Variants in RALYL observed in about 807,000 individuals in gnomAD.
RALYL encodes the protein RNA-binding Raly-like protein.
In RALYL, 29 loss-of-function variants were observed where a neutral mutation model predicts 35.1. The ratio of observed to expected loss-of-function variants is 0.83; its 90% CI spans 0.61 to 1.13. The LOEUF is 1.13. Among genes scored for constraint, RALYL ranks in the 50% most tolerant of loss-of-function variants. The probability of loss-of-function intolerance (pLI) is 0.00; values close to 1 mark genes in which losing one functional copy is unlikely to be tolerated. For missense variants in RALYL, 359 were observed against 360.4 expected (o/e 1.00, Z 0.03); for synonymous variants, 120 against 127.6 (o/e 0.94, Z 0.40).
chr8:84,225,641 T>A (rs1470172858), intron 1 of RALYL, among the ~76,000 whole-genome samples: 8 of 152,238 alleles, frequency 5.3e-5, no homozygotes, highest in Admixed American at 5.2e-4. Flanking sequence ...GTCACCTTTT[T>A]GATGTCTGAG....
intron 1 of RALYL, among the ~76,000 whole-genome samples, chr8:84,493,252 C>A (rs147040084): frequency 0.03 from 4,567 of 152,094 alleles, 115 homozygotes; most frequent in Non-Finnish European, 0.038. Flanking sequence ...TGATCTCATT[C>A]TTTTTATGGC....
chr8:84,858,516 G>GA (rs1012726743), intron 5 of RALYL, among the ~76,000 whole-genome samples: 2 of 151,996 alleles, frequency 1.3e-5, no homozygotes, highest in African/African-American at 4.8e-5. Flanking sequence ...CAAGAGGAAG[G>GA]AAAAAAATTA....
At chr8:84,516,566 G>A (rs1225107844) in intron 1 of RALYL, among the ~76,000 whole-genome samples, 1 of 151,960 alleles carries the variant, frequency 6.6e-6, no homozygotes, top group Non-Finnish European at 1.5e-5. Context: ...CAACTCTATT[G>A]GACCAAAATT....
chr8:84,401,470 C>T (rs1451291496), intron 1 of RALYL, among the ~76,000 whole-genome samples: 3 of 151,574 alleles, frequency 2.0e-5, no homozygotes, highest in African/African-American at 7.3e-5. Context: ...AACCCCGTCT[C>T]TACTAAAAAT....
rs141639250 is a variant in RALYL, at chr8:84,457,152, A to G, written c.-23-72147A>G. ...TGCCAGTTGTCATTCTGAAGCATAA[A>G]TGGAATGCAGGGTTTGGAAGTTGTA... On this transcript the variant is annotated intron_variant, in intron 1 of 8. Transcript: ENST00000521268. 1.5e-3 allele frequency among the ~76,000 whole-genome samples: 228 copies of G among 152,082 alleles called. 2 individuals are homozygous for G. The highest frequency in any genetic ancestry group is 4.7e-3 in the African/African-American group (197 of 41,530).
chr8:84,871,301 T>C (rs1172883289), intron 6 of RALYL, among the ~76,000 whole-genome samples: 1 of 152,140 alleles, frequency 6.6e-6, no homozygotes, highest in Non-Finnish European at 1.5e-5. Flanking sequence ...AGTGGAGTAG[T>C]AGTGGTTTAT....
chr8:84,652,415 C>T (rs988121719), intron 2 of RALYL, among the ~76,000 whole-genome samples: 7 of 152,016 alleles, frequency 4.6e-5, no homozygotes, highest in African/African-American at 1.7e-4. Flanking sequence ...CTCTTTGATA[C>T]TCACTGAGTA....
intron 1 of RALYL, among the ~76,000 whole-genome samples, chr8:84,305,632 A>C (rs1265794785): frequency 6.6e-6 from 1 of 152,216 alleles, no homozygotes; most frequent in Admixed American, 6.5e-5. Context: ...GTAGTATATC[A>C]CTTTTCATAT....
Position 84,899,999 on chromosome 8 carries a change from C to T in RALYL, c.858+12223C>T, listed in dbSNP as rs1019673964. 1.7e-4 allele frequency among the ~76,000 whole-genome samples: 26 copies of T among 152,234 alleles called. 1 individual carries two copies. Among genetic ancestry groups the T allele is most frequent in the Admixed American group, 1.4e-3 (22 of 15,294 alleles). Reference sequence around the variant, plus strand: ...AGCTATCAGTGCAGCTATCAAACAACGTGATCATTAAAAAACAAGCTTTAG... The same window carrying T: ...AGCTATCAGTGCAGCTATCAAACAATGTGATCATTAAAAAACAAGCTTTAG... On this transcript the variant is annotated intron_variant, in intron 8 of 8. Transcript: ENST00000521268.
At chr8:84,796,022 CA>C (rs1288915617) in intron 3 of RALYL, among the ~76,000 whole-genome samples, 1 of 152,176 alleles carries the variant, frequency 6.6e-6, no homozygotes, top group Non-Finnish European at 1.5e-5. Flanking sequence ...TAAGTAGCCA[CA>C]GCTGGAGAAG....
rs1819054687 is a variant in RALYL at position 84,614,730 on chromosome 8, A to T, written c.256+85153A>T. Among the ~76,000 whole-genome samples the T allele has an allele frequency of 2.0e-5, 3 of 150,022 alleles. No individual in the cohort carries two copies. In the South Asian group the frequency reaches 6.3e-4, roughly 31 times the overall value. On this transcript the variant is annotated intron_variant, in intron 2 of 8. Coordinates refer to ENST00000521268, the MANE Select transcript of RALYL (RefSeq NM_173848.7). Reference sequence around the variant, plus strand: ...GGCTGTAAAGTCAGGATTTGCTGCTATGGAAAGAGCTAAGACTACAGTCAG... The same window carrying T: ...GGCTGTAAAGTCAGGATTTGCTGCTTTGGAAAGAGCTAAGACTACAGTCAG...
intron 2 of RALYL, among the ~76,000 whole-genome samples, chr8:84,621,964 A>G (rs974018712): frequency 1.6e-4 from 25 of 152,252 alleles, no homozygotes; most frequent in African/African-American, 6.0e-4. Context: ...GCTAATTACA[A>G]GGTGACATCT....
chr8:84,671,353 G>T (rs181820159), intron 2 of RALYL, among the ~76,000 whole-genome samples: 1 of 152,106 alleles, frequency 6.6e-6, no homozygotes, highest in Non-Finnish European at 1.5e-5. Flanking sequence ...ACCATTCTGG[G>T]GTCTGGAGGA....
At chr8:84,786,676 G>T (rs143643889) in intron 3 of RALYL, among the ~76,000 whole-genome samples, 2,829 of 152,102 alleles carry the variant, frequency 0.019, 43 homozygotes, top group Non-Finnish European at 0.025. Context: ...TAATAGAGTT[G>T]TTTGTTTTTT....
At chr8:84,621,378 C>A (rs1027912914) in intron 2 of RALYL, among the ~76,000 whole-genome samples, 3 of 152,166 alleles carry the variant, frequency 2.0e-5, no homozygotes, top group African/African-American at 4.8e-5. Flanking sequence ...GGCTGTCCCC[C>A]CTTTCTTTGA....
intron 2 of RALYL, among the ~76,000 whole-genome samples, chr8:84,705,551 A>T (rs1188862952): frequency 2.0e-5 from 3 of 152,250 alleles, no homozygotes; most frequent in Non-Finnish European, 4.4e-5. Flanking sequence ...GATTCTCAGA[A>T]GAAAAGAATT....
At chr8:84,817,840 C>G (rs1827716009) in intron 4 of RALYL, among the ~76,000 whole-genome samples, 1 of 152,086 alleles carries the variant, frequency 6.6e-6, no homozygotes, top group Non-Finnish European at 1.5e-5. Flanking sequence ...CAAGCATGAG[C>G]CATCATACTG....
intron 1 of RALYL, among the ~76,000 whole-genome samples, chr8:84,236,020 C>T (rs901770966): frequency 2.0e-5 from 3 of 152,066 alleles, no homozygotes; most frequent in African/African-American, 7.2e-5. Flanking sequence ...CCACCTTGGC[C>T]TCCCAAAGTG....
At chr8:84,865,019 A>G in intron 6 of RALYL, 1 of 183,368 alleles carries the variant, frequency 5.5e-6, no homozygotes, top group Non-Finnish European at 1.1e-5. Context: ...TTAGTGAAAC[A>G]TTAATAAAAA....
Sources: gnomAD v4.1 joint callset for allele counts (sites outside exome capture counted in the v4.1 genomes callset) on GRCh38, gnomAD v4.1.1 for gene constraint, MANE v1.5 for transcripts, NCBI Gene and HGNC (gene_info 2026-07-23, HGNC 2026-07-21) for gene names.